Variants in ARHGAP25 observed in about 807,000 individuals in gnomAD.
The protein encoded by ARHGAP25 is Rho GTPase activating protein 25, also known as rho GTPase-activating protein 25.
In ARHGAP25, 34 loss-of-function variants were observed where a neutral mutation model predicts 71.0. That is an observed-to-expected ratio of 0.48 (90% CI 0.36 to 0.64). The LOEUF is 0.64. Ranked by LOEUF, ARHGAP25 falls within the 30% of genes least tolerant of loss-of-function variation. The pLI, the probability that ARHGAP25 is intolerant of heterozygous loss-of-function variation, is 0.00. For synonymous variants in ARHGAP25, 282 were observed against 296.5 expected, an observed-to-expected ratio of 0.95 and a Z score of 0.50; for missense variants, 706 against 805.1, an observed-to-expected ratio of 0.88 and a Z score of 1.49.
chr2:68,767,871 G>C lies in ARHGAP25; in HGVS notation c.62-7350G>C, dbSNP rs1405686004. ...TGTGCACAATCTAGAGGCAAAATGG[G>C]TGGGGCTGAGGCAGCTGCTTCACAT... is the stretch of plus-strand genomic sequence containing the variant. On this transcript the variant is annotated intron_variant, in intron 1 of 10. Coordinates refer to ENST00000409202, the MANE Select transcript of ARHGAP25 (RefSeq NM_001007231.3). The surrounding 1 kb of genome is among the most constrained non-coding windows in gnomAD (Gnocchi z 4.6). 6.6e-6 allele frequency among the ~76,000 whole-genome samples: 1 copy of C among 152,190 alleles called. No individual in the cohort carries two copies. The highest frequency in any genetic ancestry group is 1.5e-5 in the Non-Finnish European group (1 of 68,034).
chr2:68,725,927 G>C (rs974203236), intron 2 of ARHGAP25, among the ~76,000 whole-genome samples: 1 of 152,018 alleles, frequency 6.6e-6, no homozygotes, highest in Non-Finnish European at 1.5e-5. Flanking sequence ...CCTGGCTTAG[G>C]TCTTTACTCA....
At chr2:68,791,483 T>C (rs961121786) in intron 4 of ARHGAP25, among the ~76,000 whole-genome samples, 2 of 152,056 alleles carry the variant, frequency 1.3e-5, no homozygotes, top group African/African-American at 4.8e-5. Flanking sequence ...TCCTCTATAA[T>C]TATAATATCT....
intron 4 of ARHGAP25, among the ~76,000 whole-genome samples, chr2:68,800,482 A>C (rs939286649): frequency 6.6e-6 from 1 of 152,116 alleles, no homozygotes; most frequent in African/African-American, 2.4e-5. Flanking sequence ...GTGGTTGTTC[A>C]GGATGGGGTC....
At chr2:68,710,754 CA>C (rs1250267651) in intron 2 of ARHGAP25, 1 of 152,194 alleles carries the variant, frequency 6.6e-6, no homozygotes, top group Non-Finnish European at 1.5e-5. Flanking sequence ...GGTGATTTCA[CA>C]AGGCTCAAAT....
chr2:68,728,512 T>TA (rs35870470), intron 2 of ARHGAP25, among the ~76,000 whole-genome samples: 46 of 148,642 alleles, frequency 3.1e-4, no homozygotes, highest in South Asian at 8.5e-4. Flanking sequence ...GATTTTTTAA[T>TA]AAAAAAAAAA....
intron 9 of ARHGAP25, 111 bp downstream of exon 9, chr2:68,819,430 G>A: frequency 9.3e-7 from 1 of 1,070,834 alleles, no homozygotes; most frequent in Non-Finnish European, 1.4e-6. Context: ...GTGATGCAGT[G>A]GCAGTGGGCG....
chr2:68,769,565 G>A (rs909260175), intron 1 of ARHGAP25, among the ~76,000 whole-genome samples: 1 of 152,122 alleles, frequency 6.6e-6, no homozygotes, highest in African/African-American at 2.4e-5. Flanking sequence ...CAAACATCAA[G>A]GGAGTACCCC....
chr2:68,737,929 A>G (rs1196343250), intron 1 of ARHGAP25, among the ~76,000 whole-genome samples: 1 of 152,172 alleles, frequency 6.6e-6, no homozygotes, highest in Non-Finnish European at 1.5e-5. Flanking sequence ...CTGTACTTCC[A>G]TCTCAGAGCT....
intron 1 of ARHGAP25, among the ~76,000 whole-genome samples, chr2:68,736,683 GA>G (rs776161866): frequency 2.6e-5 from 4 of 152,154 alleles, no homozygotes; most frequent in Non-Finnish European, 5.9e-5. Flanking sequence ...GGATTTGATT[GA>G]GTGAATTTCA....
At chr2:68,799,006 T>C (rs1438144259) in intron 4 of ARHGAP25, among the ~76,000 whole-genome samples, 1 of 152,044 alleles carries the variant, frequency 6.6e-6, no homozygotes, top group African/African-American at 2.4e-5. Flanking sequence ...GGGCTGGAGG[T>C]GGCAGATCAG....
intron 5 of ARHGAP25, among the ~76,000 whole-genome samples, chr2:68,808,922 A>G (rs6743599): frequency 0.91 from 138,325 of 152,158 alleles, 62,991 homozygotes; most frequent in African/African-American, 0.95. Context: ...AGGCTGGAAG[A>G]AGGAAAATTA....
At chr2:68,785,120 A>G (rs1348256127) in intron 3 of ARHGAP25, among the ~76,000 whole-genome samples, 1 of 152,200 alleles carries the variant, frequency 6.6e-6, no homozygotes, top group Non-Finnish European at 1.5e-5. Context: ...GGCAGGAGAC[A>G]AGAATAGGAC....
chr2:68,718,352 T>G (rs1441930882), intron 2 of ARHGAP25, among the ~76,000 whole-genome samples: 2 of 152,136 alleles, frequency 1.3e-5, no homozygotes, highest in Non-Finnish European at 2.9e-5. Context: ...CTTTCTTCCA[T>G]CTTTCTGAAC....
At chr2:68,801,338 A>C (rs974899909) in intron 4 of ARHGAP25, among the ~76,000 whole-genome samples, 2 of 152,190 alleles carry the variant, frequency 1.3e-5, no homozygotes, top group Non-Finnish European at 2.9e-5. Context: ...CAACATGTAG[A>C]GGACAGCAAG....
chr2:68,817,494 G>T (rs1368814470), intron 7 of ARHGAP25, among the ~76,000 whole-genome samples: 3 of 152,180 alleles, frequency 2.0e-5, no homozygotes, highest in Admixed American at 6.5e-5. Flanking sequence ...TTTCCTCTCT[G>T]GAGACTTGGG....
intron 2 of ARHGAP25, among the ~76,000 whole-genome samples, chr2:68,781,107 G>T (rs1332372476): frequency 6.6e-6 from 1 of 152,134 alleles, no homozygotes; most frequent in African/African-American, 2.4e-5. Context: ...TCTCAAGTGG[G>T]CCAGGCACGG....
chr2:68,744,029 G>T (rs1675674078), intron 1 of ARHGAP25, among the ~76,000 whole-genome samples: 1 of 151,792 alleles, frequency 6.6e-6, no homozygotes, highest in Non-Finnish European at 1.5e-5. Flanking sequence ...CTCATGGTTA[G>T]AAATCCTTCC....
chr2:68,819,437 G>C, intron 9 of ARHGAP25, 118 bp downstream of exon 9: 1 of 1,013,898 alleles, frequency 9.9e-7, no homozygotes, highest in South Asian at 1.3e-5. Flanking sequence ...AGTGGCAGTG[G>C]GCGCTGCTGC....
chr2:68,826,257 C>A lies in ARHGAP25; in HGVS notation c.*63C>A. ...CCCAACTCTGGCCCCTTTCTCAGTG[C>A]TATCTGATGACGGGGAAACAAAATT... is the stretch of plus-strand genomic sequence containing the variant. On this transcript the variant is annotated 3_prime_UTR_variant, in exon 11 of 11. Transcript: ENST00000409202. 3.4e-6 allele frequency: 5 copies of A among 1,461,464 alleles called. No homozygotes were observed. Among genetic ancestry groups the A allele is most frequent in the Non-Finnish European group, 3.8e-6 (4 of 1,042,312 alleles). 90.5% of individuals were successfully genotyped at this position (1,461,464 alleles called of 1,614,324 possible). A position where few individuals can be genotyped will look rare whatever the true frequency, so the allele number is the denominator to read the frequency against.
Sources: allele counts gnomAD v4.1 joint callset (sites outside exome capture counted in the v4.1 genomes callset), GRCh38; gene constraint gnomAD v4.1.1; non-coding constraint Gnocchi (gnomAD v3.1); transcripts MANE v1.5; gene names NCBI Gene and HGNC (gene_info 2026-07-23, HGNC 2026-07-21).